GCNT1: variants seen among roughly 807,000 people sequenced by gnomAD.
The protein encoded by GCNT1 is glucosaminyl (N-acetyl) transferase 1.
A neutral mutation model predicts 26.2 loss-of-function variants in GCNT1; 16 were observed. The ratio of observed to expected loss-of-function variants is 0.61; its 90% CI spans 0.41 to 0.93. The LOEUF is 0.93. Among genes scored for constraint, GCNT1 ranks in the 40% least tolerant of loss-of-function variants. The probability of loss-of-function intolerance (pLI) is 0.00; values close to 1 mark genes in which losing one functional copy is unlikely to be tolerated. For missense variants in GCNT1, 477 were observed against 526.7 expected, an observed-to-expected ratio of 0.91 and a Z score of 0.92; for synonymous variants, 183 against 190.8, an observed-to-expected ratio of 0.96 and a Z score of 0.34.
the GCNT1 span, among the ~76,000 whole-genome samples, chr9:76,414,630 G>T: frequency 6.6e-6 from 1 of 152,290 alleles, no homozygotes; most frequent in Middle Eastern, 3.4e-3. Context: ...GAAACTGAGG[G>T]TCCCTCGCCT....
At chr9:76,447,437 G>T (rs2131585071) in intron 1 of GCNT1, among the ~76,000 whole-genome samples, 1 of 151,922 alleles carries the variant, frequency 6.6e-6, no homozygotes, top group South Asian at 2.1e-4. Flanking sequence ...GTAGAGAGAG[G>T]TTTCACCATG....
chr9:76,412,014 T>C, the GCNT1 span, among the ~76,000 whole-genome samples: 8 of 152,186 alleles, frequency 5.3e-5, no homozygotes, highest in African/African-American at 1.9e-4. Flanking sequence ...TTATGCTTCT[T>C]TTAAAAAATA....
chr9:76,467,330 CCTCA>C (rs1301428602), intron 2 of GCNT1, among the ~76,000 whole-genome samples: 13 of 152,212 alleles, frequency 8.5e-5, no homozygotes, highest in Admixed American at 8.5e-4. Flanking sequence ...GCGTGAGCCA[CCTCA>C]CCCAGCCTCA....
chr9:76,496,774 T>G (rs1564246037), intron 2 of GCNT1, among the ~76,000 whole-genome samples: 1 of 152,224 alleles, frequency 6.6e-6, no homozygotes, highest in Non-Finnish European at 1.5e-5. Flanking sequence ...CAAGAACCAT[T>G]ACTTTCAGGT....
chr9:76,435,745 A>G (rs1823398481), intron 1 of GCNT1, among the ~76,000 whole-genome samples: 1 of 152,168 alleles, frequency 6.6e-6, no homozygotes. Context: ...ATCTCCAAAT[A>G]CAGTCACATC....
upstream of GCNT1, among the ~76,000 whole-genome samples, chr9:76,458,974 C>A (rs1823809835): frequency 6.6e-6 from 1 of 152,256 alleles, no homozygotes; most frequent in Non-Finnish European, 1.5e-5. Flanking sequence ...AGAATCAGAG[C>A]ACAGTGAGGA....
At chr9:76,426,403 G>A (rs1029063399) in intron 1 of GCNT1, among the ~76,000 whole-genome samples, 5 of 151,886 alleles carry the variant, frequency 3.3e-5, no homozygotes, top group South Asian at 2.1e-4. Flanking sequence ...CCCTGTCTTC[G>A]CAAAAAATAC....
At chr9:76,413,148 C>CT in the GCNT1 span, among the ~76,000 whole-genome samples, 1 of 152,220 alleles carries the variant, frequency 6.6e-6, no homozygotes, top group Non-Finnish European at 1.5e-5. Context: ...GTTTGAATTA[C>CT]TTTCTTTGTG....
At chr9:76,477,045 G>A (rs946444001) in intron 2 of GCNT1, among the ~76,000 whole-genome samples, 2 of 151,970 alleles carry the variant, frequency 1.3e-5, no homozygotes, top group African/African-American at 4.8e-5. Context: ...GTCCCGAGTA[G>A]CTGAGATTGC....
At chr9:76,444,577 A>G (rs1417080716) in intron 1 of GCNT1, among the ~76,000 whole-genome samples, 4 of 152,234 alleles carry the variant, frequency 2.6e-5, no homozygotes, top group African/African-American at 9.6e-5. Flanking sequence ...TGTCTGCTGG[A>G]TTTAGAACCA....
chr9:76,394,057 C>A, the GCNT1 span: 1 of 1,558,354 alleles, frequency 6.4e-7, no homozygotes, highest in Non-Finnish European at 8.7e-7. Flanking sequence ...CCACGTGACC[C>A]GGCCCGGGGG....
the GCNT1 span, among the ~76,000 whole-genome samples, chr9:76,413,634 GTTTTTTTTGTTTTGTTTTGT>G: frequency 4.6e-5 from 6 of 130,684 alleles, no homozygotes; most frequent in Admixed American, 4.9e-4. Flanking sequence ...TATGCCTAGG[GTTTTTTTTGTTTTGTTTTGT>G]TTTTTTTTTT....
chr9:76,416,422 G>A (rs149546383), upstream of GCNT1, among the ~76,000 whole-genome samples: 25 of 152,324 alleles, frequency 1.6e-4, no homozygotes, highest in East Asian at 2.5e-3. Flanking sequence ...AAATGCTGTC[G>A]TGCTGACTCT....
chr9:76,396,979 C>T, the GCNT1 span, among the ~76,000 whole-genome samples: 2 of 150,994 alleles, frequency 1.3e-5, no homozygotes, highest in South Asian at 2.1e-4. Flanking sequence ...AAGCAAGACA[C>T]GGTCACTAAA....
chr9:76,397,763 C>T, the GCNT1 span, among the ~76,000 whole-genome samples: 1 of 152,166 alleles, frequency 6.6e-6, no homozygotes, highest in Non-Finnish European at 1.5e-5. Flanking sequence ...TGGCTCCTCC[C>T]CTCTGACTGA....
upstream of GCNT1, among the ~76,000 whole-genome samples, chr9:76,418,534 T>C (rs35012067): frequency 0.034 from 5,218 of 152,210 alleles, 119 homozygotes; most frequent in Non-Finnish European, 0.053. Flanking sequence ...ATTTTATTTG[T>C]GGTTTACAAA....
chr9:76,498,804 T>C (rs1232745858), intron 2 of GCNT1, among the ~76,000 whole-genome samples: 1 of 150,216 alleles, frequency 6.7e-6, no homozygotes, highest in African/African-American at 2.5e-5. Context: ...AAAAAGTGTA[T>C]ACACACACAC....
chr9:76,440,735 T>C (rs1177309917), upstream of GCNT1, among the ~76,000 whole-genome samples: 1 of 152,156 alleles, frequency 6.6e-6, no homozygotes, highest in Non-Finnish European at 1.5e-5. Context: ...GGTCCCAGAC[T>C]TGGTTGCACG....
the GCNT1 span, among the ~76,000 whole-genome samples, chr9:76,404,961 G>T: frequency 6.6e-6 from 1 of 151,566 alleles, no homozygotes; most frequent in Admixed American, 6.6e-5. Context: ...GATCACAGGC[G>T]TGTACACCAC....
Sources: allele counts gnomAD v4.1 joint callset (sites outside exome capture counted in the v4.1 genomes callset), GRCh38; gene constraint gnomAD v4.1.1; transcripts MANE v1.5; gene names NCBI Gene and HGNC (gene_info 2026-07-23, HGNC 2026-07-21).